The following LIMK1 variants were observed in gnomAD, a reference collection of about 807,000 sequenced individuals.
The protein encoded by LIMK1 is LIM motif-containing protein kinase.
In LIMK1, 21 loss-of-function variants were observed where a neutral mutation model predicts 77.6. That is an observed-to-expected ratio of 0.27 (90% CI 0.19 to 0.39). The LOEUF is 0.39. Ranked by LOEUF, LIMK1 falls within the 10% of genes least tolerant of loss-of-function variation. LIMK1 has a pLI of 1.00. For missense variants in LIMK1, 696 were observed against 901.6 expected, an observed-to-expected ratio of 0.77 and a Z score of 2.92; for synonymous variants, 358 against 370.0, an observed-to-expected ratio of 0.97 and a Z score of 0.37.
chr7:74,114,950 A>G (rs868946235), intron 12 of LIMK1, among the ~76,000 whole-genome samples: 2 of 151,738 alleles, frequency 1.3e-5, no homozygotes, highest in African/African-American at 2.4e-5. Context: ...TGGGCCAGGT[A>G]TGGTGGCTTA....
At chr7:74,100,147 G>A (rs1243518671) in intron 5 of LIMK1, among the ~76,000 whole-genome samples, 2 of 152,190 alleles carry the variant, frequency 1.3e-5, no homozygotes, top group East Asian at 3.9e-4. Context: ...GGCTGAGGCA[G>A]AAGGATCTCT....
chr7:74,106,952 G>A, intron 7 of LIMK1, 58 bp from the exon 8 acceptor site: 1 of 1,460,762 alleles, frequency 6.8e-7, no homozygotes, highest in African/African-American at 1.4e-5. Flanking sequence ...AAGGGGCAGG[G>A]CCTTGGCCGG....
At chr7:74,093,580 T>C (rs1228119060) in intron 2 of LIMK1, among the ~76,000 whole-genome samples, 2 of 152,168 alleles carry the variant, frequency 1.3e-5, no homozygotes, top group Non-Finnish European at 2.9e-5. Context: ...CCTGTCATTA[T>C]GGAAGCCACC....
At chr7:74,105,730 G>A (rs1428369610) in intron 5 of LIMK1, 145 bp from the exon 6 acceptor site, 19 of 610,972 alleles carry the variant, frequency 3.1e-5, no homozygotes, top group South Asian at 1.2e-4. Flanking sequence ...ACCAGAACTC[G>A]GTGTTCTGGC....
chr7:74,086,743 G>A (rs79435098), intron 2 of LIMK1, among the ~76,000 whole-genome samples: 103 of 152,190 alleles, frequency 6.8e-4, no homozygotes, highest in African/African-American at 2.4e-3. Context: ...CTGCAATTCA[G>A]CCCCCTGCTG....
At chr7:74,119,191 G>A (rs969352283) in intron 13 of LIMK1, among the ~76,000 whole-genome samples, 13 of 135,550 alleles carry the variant, frequency 9.6e-5, no homozygotes, top group Admixed American at 3.7e-4. Flanking sequence ...CCAGTTTTTT[G>A]TTTTTGAGAT....
At chr7:74,106,322 GA>G in intron 7 of LIMK1, 79 bp downstream of exon 7, 1 of 1,494,072 alleles carries the variant, frequency 6.7e-7, no homozygotes, top group Non-Finnish European at 9.0e-7. Context: ...CTAGGTCGGG[GA>G]GCCAGCCCTG....
At position 74,112,870 on chromosome 7, in the gene LIMK1, G is replaced by A. The variant is rs544186615; in HGVS notation, c.1410+872G>A. On this transcript the variant is annotated intron_variant, in intron 12 of 15. Transcript: ENST00000336180. ...TTAGGTGGATATTTAAGCAGGGGAC[G>A]GGCAGGCAAAGAGCCCAGTGTCTAA... 7.2e-5 allele frequency among the ~76,000 whole-genome samples: 11 copies of A among 152,020 alleles called. No homozygotes were observed. The South Asian group carries it at 1.5e-3, about 20-fold the overall frequency.
intron 2 of LIMK1, among the ~76,000 whole-genome samples, chr7:74,086,631 G>A (rs1799142324): frequency 6.6e-6 from 1 of 152,154 alleles, no homozygotes; most frequent in Non-Finnish European, 1.5e-5. Flanking sequence ...GAAAGTGCTA[G>A]GCTTACAGGC....
In LIMK1 at chr7:74,121,125, C is replaced by T. The variant is rs782477327; in HGVS notation, c.1782-14C>T. ...ACAGCCAGACCCACCGTTCCCCACC[C>T]ACCTGTCACCCAGGCCATCCTTTGT... On this transcript the variant is annotated splice_polypyrimidine_tract_variant and intron_variant, in intron 15 of 15. Coordinates refer to ENST00000336180, the MANE Select transcript of LIMK1 (RefSeq NM_002314.4). The T allele has an allele frequency of 1.9e-5, 30 of 1,610,710 alleles. No individual in the cohort carries two copies. The highest frequency in any genetic ancestry group is 3.3e-5 in the South Asian group (3 of 90,810).
intron 2 of LIMK1, among the ~76,000 whole-genome samples, chr7:74,086,902 A>T (rs1799146766): frequency 6.6e-6 from 1 of 152,186 alleles, no homozygotes; most frequent in African/African-American, 2.4e-5. Flanking sequence ...TGCATAACCC[A>T]GTCACACCAG....
intron 5 of LIMK1, among the ~76,000 whole-genome samples, chr7:74,104,321 T>C (rs1415833148): frequency 6.6e-6 from 1 of 151,956 alleles, no homozygotes; most frequent in African/African-American, 2.4e-5. Flanking sequence ...AAAGTGAGCA[T>C]TCCCTAAAAA....
Position 74,121,378 on chromosome 7 carries a change from C to G in LIMK1, c.*77C>G, listed in dbSNP as rs1446907885. 7.2e-7 allele frequency: 1 copy of G among 1,384,792 alleles called. No individual in the cohort carries two copies. Among genetic ancestry groups the G allele is most frequent in the Non-Finnish European group, 9.6e-7 (1 of 1,036,302 alleles). 85.8% of individuals were successfully genotyped at this position (1,384,792 alleles called of 1,614,324 possible). ...CCAGATTCCTCCGCGGGAGGTGGCC[C>G]TCAGCTGGGACAGTGGGGACCCAGG... On this transcript the variant is annotated 3_prime_UTR_variant, in exon 16 of 16. Coordinates refer to ENST00000336180, the MANE Select transcript of LIMK1 (RefSeq NM_002314.4).
intron 2 of LIMK1, among the ~76,000 whole-genome samples, chr7:74,087,643 G>A (rs746994000): frequency 4.4e-4 from 67 of 152,160 alleles, no homozygotes; most frequent in Non-Finnish European, 6.6e-4. Context: ...AGGCTGGGGA[G>A]CAGTGGCGCG....
At chr7:74,116,860 C>T (rs1554699584) in intron 13 of LIMK1, among the ~76,000 whole-genome samples, 1 of 151,864 alleles carries the variant, frequency 6.6e-6, no homozygotes, top group East Asian at 1.9e-4. Context: ...CAACACCACA[C>T]CCAGCTAATT....
intron 13 of LIMK1, among the ~76,000 whole-genome samples, chr7:74,120,247 C>A (rs1007445133): frequency 6.6e-6 from 1 of 152,134 alleles, no homozygotes; most frequent in Admixed American, 6.5e-5. Context: ...TTTTTCTGAC[C>A]CAGTAACATT....
intron 4 of LIMK1, 44 bp from the exon 5 acceptor site, chr7:74,098,987 GA>G: frequency 6.8e-7 from 1 of 1,478,756 alleles, no homozygotes; most frequent in Non-Finnish European, 9.3e-7. Flanking sequence ...TGAAATTGAT[GA>G]CGCCCTTGAC....
chr7:74,089,742 T>C (rs757201125), intron 2 of LIMK1, among the ~76,000 whole-genome samples: 4 of 151,816 alleles, frequency 2.6e-5, no homozygotes, highest in African/African-American at 4.8e-5. Flanking sequence ...GAGCTAGCCA[T>C]GGGAGCCTGA....
intron 2 of LIMK1, among the ~76,000 whole-genome samples, 158 bp downstream of exon 2, chr7:74,086,002 GACT>G (rs1184558966): frequency 6.6e-6 from 1 of 152,158 alleles, no homozygotes; most frequent in African/African-American, 2.4e-5. Context: ...GAGGTGTTTT[GACT>G]AGAAAATCCC....
Sources: allele counts gnomAD v4.1 joint callset (sites outside exome capture counted in the v4.1 genomes callset), GRCh38; gene constraint gnomAD v4.1.1; transcripts MANE v1.5; gene names NCBI Gene and HGNC (gene_info 2026-07-23, HGNC 2026-07-21).